CHD7: variants seen among roughly 807,000 people sequenced by gnomAD.
CHD7 encodes chromodomain helicase DNA binding protein 7.
CHD7 carries 24 observed loss-of-function variants against 307.3 expected under a neutral mutation model. The ratio of observed to expected loss-of-function variants is 0.08; its 90% CI spans 0.06 to 0.11. CHD7 has a LOEUF of 0.11. CHD7 is among the 10% of genes least tolerant of loss of function. The pLI is 1.00. For synonymous variants in CHD7, 1,363 were observed against 1,349.9 expected, an observed-to-expected ratio of 1.01 and a Z score of -0.21; for missense variants, 3,106 against 3,727.1, an observed-to-expected ratio of 0.83 and a Z score of 4.34.
intron 7 of CHD7, among the ~76,000 whole-genome samples, chr8:60,812,727 C>T (rs1258613352): frequency 6.7e-6 from 1 of 149,640 alleles, no homozygotes; most frequent in Non-Finnish European, 1.5e-5. Context: ...TTATTTTGTC[C>T]TAAAGTTTTT....
chr8:60,836,682 T>G, intron 16 of CHD7, 135 bp from the exon 17 acceptor site: 2 of 595,524 alleles, frequency 3.4e-6, no homozygotes, highest in Non-Finnish European at 5.6e-6. Context: ...CCCTATTTGC[T>G]CTGAGATTAG....
At chr8:60,680,408 G>GCGGGGGCGGCGGC (rs1395617336) in intron 1 of CHD7, among the ~76,000 whole-genome samples, 1 of 108,022 alleles carries the variant, frequency 9.3e-6, no homozygotes, top group Non-Finnish European at 1.8e-5. Context: ...CGGGGGGGGG[G>GCGGGGGCGGCGGC]GGCGGGGGCG....
At chr8:60,811,131 G>A (rs1435973877) in intron 7 of CHD7, among the ~76,000 whole-genome samples, 1 of 152,148 alleles carries the variant, frequency 6.6e-6, no homozygotes, top group Non-Finnish European at 1.5e-5. Context: ...CTGGTCCTTG[G>A]TGCCAAAAAG....
At chr8:60,795,569 C>T (rs1811985036) in intron 4 of CHD7, among the ~76,000 whole-genome samples, 1 of 152,146 alleles carries the variant, frequency 6.6e-6, no homozygotes, top group South Asian at 2.1e-4. Context: ...ACATCTGGCA[C>T]TCAAAGTTGA....
chr8:60,859,335 C>G (rs976269830), intron 34 of CHD7, among the ~76,000 whole-genome samples: 3 of 152,172 alleles, frequency 2.0e-5, no homozygotes, highest in East Asian at 1.9e-4. Flanking sequence ...TGTCAGCACT[C>G]TAACTGTGCT....
chr8:60,756,099 A>G (rs1254573738), intron 2 of CHD7, among the ~76,000 whole-genome samples: 3 of 152,258 alleles, frequency 2.0e-5, no homozygotes, highest in African/African-American at 7.2e-5. Context: ...GAGGCTAGTG[A>G]CTTTCATATA....
intron 1 of CHD7, among the ~76,000 whole-genome samples, chr8:60,695,696 G>A (rs1300213248): frequency 6.6e-6 from 1 of 152,160 alleles, no homozygotes; most frequent in Non-Finnish European, 1.5e-5. Context: ...ATATAAGCAG[G>A]TAATGTGTGG....
Position 60,853,513 on chromosome 8 carries a change from C to T in CHD7, c.6775+13C>T, listed in dbSNP as rs775198282. ...TCCCAGCCCGAAGGTAAGGCCTTAC[C>T]ACTGGCCCCTCTCCTGACCCTGCAG... On this transcript the variant is annotated intron_variant, in intron 31 of 37. Transcript: ENST00000423902. The T allele has an allele frequency of 2.6e-5, 39 of 1,502,600 alleles. No homozygotes were observed. The highest frequency in any genetic ancestry group is 4.6e-5 in the Admixed American group (2 of 43,240). 93.1% of individuals were successfully genotyped at this position (1,502,600 alleles called of 1,614,324 possible). A position where few individuals can be genotyped will look rare whatever the true frequency, so the allele number is the denominator to read the frequency against.
rs761272139 is a variant in CHD7 at position 60,816,483 on chromosome 8, G to C, written c.2595G>C (p.Gln865His). The C allele has an allele frequency of 6.2e-7, 1 of 1,603,062 alleles. No individual in the cohort carries two copies. Among genetic ancestry groups the C allele is most frequent in the East Asian group, 2.2e-5 (1 of 44,628 alleles). ...KIKRFKAKQG[Q>H]NKFLSEIEDE... ...AACGATTTAAGGCAAAGCAGGGCCA[G>C]AACAAGTTCCTTTCAGAGGTACGAC... Residue 865 changes from glutamine (Q) to histidine (H), a missense_variant, in exon 8 of 38, where the codon CAG becomes CAC. Gln to His is a conservative substitution (Grantham distance 24, BLOSUM62 0). This residue lies in a region of CHD7 where 188 missense variants were observed against 261.7 expected (regional missense o/e 0.72). Coordinates refer to ENST00000423902, the MANE Select transcript of CHD7 (RefSeq NM_017780.4).
At chr8:60,689,936 G>A (rs1250760227) in intron 1 of CHD7, among the ~76,000 whole-genome samples, 4 of 152,276 alleles carry the variant, frequency 2.6e-5, no homozygotes, top group Admixed American at 1.3e-4. Context: ...TCGCTGCACA[G>A]GACTAGAGTT....
chr8:60,762,590 G>A (rs926293992), intron 2 of CHD7, among the ~76,000 whole-genome samples: 2 of 152,172 alleles, frequency 1.3e-5, no homozygotes, highest in Non-Finnish European at 2.9e-5. Context: ...CATGTACTGT[G>A]CTTAGAATTG....
At chr8:60,714,758 A>G (rs1326536263) in intron 1 of CHD7, among the ~76,000 whole-genome samples, 1 of 152,154 alleles carries the variant, frequency 6.6e-6, no homozygotes, top group Non-Finnish European at 1.5e-5. Context: ...AGACCTGGCT[A>G]GGTCCCCGTA....
intron 1 of CHD7, among the ~76,000 whole-genome samples, chr8:60,718,101 T>C (rs1175742780): frequency 1.3e-5 from 2 of 152,186 alleles, no homozygotes; most frequent in African/African-American, 2.4e-5. Context: ...TGGCACAGAA[T>C]GTGGAGATGG....
rs1353565859 is a variant in CHD7, at chr8:60,796,158, G to A, written c.2238+1031G>A. On this transcript the variant is annotated intron_variant, in intron 4 of 37. Coordinates refer to ENST00000423902, the MANE Select transcript of CHD7 (RefSeq NM_017780.4). ...AAGCTAGACCTGAAAGGGAGGGAGA[G>A]AGAGATGAAGTGAATGAATATGTTT... Among the ~76,000 whole-genome samples, 5 of 152,212 alleles carry A rather than the reference G, an allele frequency of 3.3e-5. No individual in the cohort carries two copies. The East Asian group carries it at 7.7e-4, about 23-fold the overall frequency.
At chr8:60,764,058 G>GCTCACTGCAAGCTCCGC (rs1381463401) in intron 2 of CHD7, among the ~76,000 whole-genome samples, 2 of 152,046 alleles carry the variant, frequency 1.3e-5, no homozygotes, top group African/African-American at 4.8e-5. Flanking sequence ...CACAATCTTG[G>GCTCACTGCAAGCTCCGC]CTCACTGCAA....
At chr8:60,856,385 C>A in intron 33 of CHD7, 60 bp from the exon 34 acceptor site, 2 of 1,456,064 alleles carry the variant, frequency 1.4e-6, no homozygotes, top group Non-Finnish European at 1.8e-6. Flanking sequence ...TAAAAGCCAG[C>A]CCATATAGCA....
intron 1 of CHD7, among the ~76,000 whole-genome samples, chr8:60,705,171 A>AGG (rs1439671943): frequency 2.0e-5 from 3 of 152,160 alleles, no homozygotes; most frequent in African/African-American, 7.2e-5. Context: ...TCTAAAAGTG[A>AGG]GGGAATAGGT....
intron 15 of CHD7, among the ~76,000 whole-genome samples, chr8:60,832,695 C>T (rs1340561515): frequency 6.6e-6 from 1 of 152,140 alleles, no homozygotes; most frequent in African/African-American, 2.4e-5. Flanking sequence ...TAGATTGACA[C>T]CCCCAGTTCC....
rs527793426 is a variant in CHD7, at chr8:60,848,961, G to T, written c.5301-90G>T. The T allele has an allele frequency of 1.4e-4, 146 of 1,029,384 alleles. No individual in the cohort carries two copies. The African/African-American group carries it at 2.1e-3, about 15-fold the overall frequency. 63.8% of individuals were successfully genotyped at this position (1,029,384 alleles called of 1,614,324 possible). On this transcript the variant is annotated intron_variant, in intron 24 of 37. Coordinates refer to ENST00000423902, the MANE Select transcript of CHD7 (RefSeq NM_017780.4). ...TCCCCACCATGCTCAGATGTTTATC[G>T]TGGGAGAGAGGGCATGTGAGCTATG...
Sources: allele counts gnomAD v4.1 joint callset (sites outside exome capture counted in the v4.1 genomes callset), GRCh38; gene constraint gnomAD v4.1.1; regional missense constraint gnomAD v4.1.1; transcripts MANE v1.5; gene names NCBI Gene and HGNC (gene_info 2026-07-23, HGNC 2026-07-21).